Variants in LRP1B observed in about 807,000 individuals in gnomAD.
LRP1B encodes LDL receptor related protein 1B.
A neutral mutation model predicts 556.6 loss-of-function variants in LRP1B; 217 were observed. The ratio of observed to expected loss-of-function variants is 0.39; its 90% confidence interval spans 0.35 to 0.44. LRP1B has a LOEUF of 0.44. Among genes scored for constraint, LRP1B ranks in the 20% least tolerant of loss-of-function variants. LRP1B has a pLI of 1.00. For missense variants in LRP1B, 5,053 were observed against 5,620.8 expected (o/e 0.90, Z 3.23); for synonymous variants, 2,047 against 1,865.8 (o/e 1.10, Z -2.50).
intron 1 of LRP1B, among the ~76,000 whole-genome samples, chr2:141,874,352 T>C (rs907289869): frequency 6.6e-6 from 1 of 151,352 alleles, no homozygotes; most frequent in African/African-American, 2.4e-5. Context: ...TCTGGGCACA[T>C]AGTGCTTTCA....
intron 1 of LRP1B, among the ~76,000 whole-genome samples, chr2:141,860,089 A>G (rs1322840877): frequency 6.6e-6 from 1 of 152,174 alleles, no homozygotes; most frequent in Non-Finnish European, 1.5e-5. Flanking sequence ...CTGTATTCCC[A>G]TCTTTTGGGG....
chr2:141,097,740 T>C (rs1160767970), intron 7 of LRP1B, among the ~76,000 whole-genome samples: 5 of 152,152 alleles, frequency 3.3e-5, no homozygotes, highest in African/African-American at 1.2e-4. Context: ...AATGGATATG[T>C]TTTCATGTTT....
chr2:140,309,179 G>A (rs1033168284), intron 83 of LRP1B, among the ~76,000 whole-genome samples: 1 of 151,774 alleles, frequency 6.6e-6, no homozygotes, highest in Non-Finnish European at 1.5e-5. Context: ...ATAGCTGTCA[G>A]GTTTTCTTAA....
intron 22 of LRP1B, among the ~76,000 whole-genome samples, chr2:140,904,022 ATATT>A (rs1015079987): frequency 9.9e-5 from 15 of 152,080 alleles, no homozygotes; most frequent in Non-Finnish European, 1.6e-4. Context: ...TCCTTTAAAT[ATATT>A]TATTTATTAT....
chr2:140,908,082 A>G lies in LRP1B; in HGVS notation c.3320-5T>C. Reference sequence around the variant, plus strand: ...ATGCTTTGTTGATGCATCTCCCTTAAGAAAACAGAAATAGTGTCAGTTTGA... The same window carrying G: ...ATGCTTTGTTGATGCATCTCCCTTAGGAAAACAGAAATAGTGTCAGTTTGA... On this transcript the variant is annotated splice_polypyrimidine_tract_variant and splice_region_variant and intron_variant, in intron 21 of 90. Coordinates refer to ENST00000389484, the MANE Select transcript of LRP1B (RefSeq NM_018557.3). 1 of 1,610,338 alleles carries G rather than the reference A, an allele frequency of 6.2e-7. No individual in the cohort carries two copies. The highest frequency in any genetic ancestry group is 8.5e-7 in the Non-Finnish European group (1 of 1,177,064).
At chr2:140,999,463 C>T (rs1175290659) in intron 15 of LRP1B, among the ~76,000 whole-genome samples, 3 of 152,008 alleles carry the variant, frequency 2.0e-5, no homozygotes, top group Non-Finnish European at 4.4e-5. Context: ...GGTGTAAAAT[C>T]ACATGTGTAC....
chr2:141,315,932 A>T (rs1687017423), intron 3 of LRP1B, among the ~76,000 whole-genome samples: 1 of 69,384 alleles, frequency 1.4e-5, no homozygotes. Context: ...TCTCTACATT[A>T]GTATCCACAG....
intron 6 of LRP1B, among the ~76,000 whole-genome samples, chr2:141,215,250 C>T (rs148116698): frequency 2.2e-4 from 33 of 152,290 alleles, no homozygotes; most frequent in African/African-American, 7.7e-4. Context: ...TTGCAACCTT[C>T]CTGAGACCTC....
chr2:141,219,994 A>C (rs144890523), intron 6 of LRP1B, among the ~76,000 whole-genome samples: 77 of 152,332 alleles, frequency 5.1e-4, no homozygotes, highest in Non-Finnish European at 7.5e-4. Context: ...CAAAATGCTG[A>C]AAACTCAAAA....
chr2:140,289,112 A>C (rs1683273612), intron 84 of LRP1B, among the ~76,000 whole-genome samples: 1 of 152,002 alleles, frequency 6.6e-6, no homozygotes, highest in South Asian at 2.1e-4. Context: ...AAATTACTAA[A>C]TATAATTACT....
chr2:141,665,739 T>C (rs970969674), intron 2 of LRP1B, among the ~76,000 whole-genome samples: 1 of 152,192 alleles, frequency 6.6e-6, no homozygotes, highest in African/African-American at 2.4e-5. Flanking sequence ...TGGAATACTA[T>C]GCAGACATAA....
chr2:140,837,621 G>A (rs1007369886), intron 31 of LRP1B, among the ~76,000 whole-genome samples: 1 of 151,922 alleles, frequency 6.6e-6, no homozygotes, highest in African/African-American at 2.4e-5. Flanking sequence ...TATACTTGGT[G>A]AGTTCATGAC....
intron 18 of LRP1B, among the ~76,000 whole-genome samples, chr2:140,970,543 G>T (rs1696380685): frequency 6.6e-6 from 1 of 152,002 alleles, no homozygotes; most frequent in African/African-American, 2.4e-5. Flanking sequence ...TCTCCATCCA[G>T]CTTTGTTCTG....
intron 2 of LRP1B, among the ~76,000 whole-genome samples, chr2:141,628,120 T>A (rs1243862026): frequency 6.6e-6 from 1 of 152,206 alleles, no homozygotes; most frequent in Non-Finnish European, 1.5e-5. Flanking sequence ...ACCCTGTGAT[T>A]TGCTGTACTT....
intron 2 of LRP1B, among the ~76,000 whole-genome samples, chr2:141,572,784 A>C (rs1352134803): frequency 6.6e-6 from 1 of 152,228 alleles, no homozygotes; most frequent in Non-Finnish European, 1.5e-5. Context: ...CAAAAAAAGC[A>C]GGGGTTGCAA....
intron 2 of LRP1B, among the ~76,000 whole-genome samples, chr2:141,554,043 T>G (rs189715144): frequency 7.1e-5 from 10 of 140,996 alleles, no homozygotes; most frequent in Admixed American, 2.9e-4. Context: ...ATATCTATAT[T>G]AATAGACATA....
intron 25 of LRP1B, among the ~76,000 whole-genome samples, chr2:140,881,973 A>T (rs1424248244): frequency 2.0e-5 from 3 of 152,194 alleles, no homozygotes; most frequent in Admixed American, 2.0e-4. Context: ...AAAAGGAAGC[A>T]TCAACTGCAA....
chr2:140,967,243 C>A lies in LRP1B; in HGVS notation c.2887+14917G>T, dbSNP rs1437834415. Reference sequence around the variant, plus strand: ...CTGAACAGCGGTTTGTAGTTCTCCTCAAAGGGGTTCTTCACATCCCTTGTA... The same window carrying A: ...CTGAACAGCGGTTTGTAGTTCTCCTAAAAGGGGTTCTTCACATCCCTTGTA... On this transcript the variant is annotated intron_variant, in intron 18 of 90. Transcript: ENST00000389484. Among the ~76,000 whole-genome samples, 4 of 152,066 alleles carry A rather than the reference C, an allele frequency of 2.6e-5. No individual in the cohort carries two copies. In the South Asian group the frequency reaches 8.3e-4, roughly 32 times the overall value.
At chr2:141,552,521 T>C (rs2105231811) in intron 2 of LRP1B, among the ~76,000 whole-genome samples, 1 of 152,182 alleles carries the variant, frequency 6.6e-6, no homozygotes, top group Non-Finnish European at 1.5e-5. Context: ...TTTGGACTAA[T>C]TACCAGCTAC....
Sources: allele counts gnomAD v4.1 joint callset (sites outside exome capture counted in the v4.1 genomes callset), GRCh38; gene constraint gnomAD v4.1.1; transcripts MANE v1.5; gene names NCBI Gene and HGNC (gene_info 2026-07-23, HGNC 2026-07-21).